Variants in PCDHA4 observed in about 807,000 individuals in gnomAD.
PCDHA4 encodes protocadherin alpha-4.
In PCDHA4, 49 loss-of-function variants were observed where a neutral mutation model predicts 61.4. The observed-to-expected ratio is 0.80, with a 90% confidence interval of 0.63 to 1.01. PCDHA4 has a LOEUF of 1.01. Ranked by LOEUF, PCDHA4 falls within the 50% of genes least tolerant of loss-of-function variation. PCDHA4 has a pLI of 0.00. For synonymous variants in PCDHA4, 590 were observed against 550.3 expected (o/e 1.07, Z -1.01); for missense variants, 1,254 against 1,235.8 (o/e 1.01, Z -0.22).
At chr5:140,880,242 G>A (rs549683370) in intron 1 of PCDHA4, among the ~76,000 whole-genome samples, 22 of 150,572 alleles carry the variant, frequency 1.5e-4, no homozygotes, top group Admixed American at 7.2e-4. Context: ...GTGTATGTGC[G>A]TGTGTGTATG....
At chr5:140,896,657 A>G (rs1554187043) in intron 1 of PCDHA4, among the ~76,000 whole-genome samples, 1 of 152,010 alleles carries the variant, frequency 6.6e-6, no homozygotes, top group East Asian at 1.9e-4. Flanking sequence ...TATTACAGGC[A>G]TGAGTCACTG....
At chr5:140,868,909 T>C (rs2050732260) in intron 1 of PCDHA4, 3 of 886,670 alleles carry the variant, frequency 3.4e-6, no homozygotes, top group Non-Finnish European at 5.0e-6. Context: ...CGCTCTTTAC[T>C]TGGTGGAAAG....
At chr5:140,810,228 T>C (rs1333257173) in intron 1 of PCDHA4, 1 of 152,266 alleles carries the variant, frequency 6.6e-6, no homozygotes, top group African/African-American at 2.4e-5. Flanking sequence ...CTATACCTTA[T>C]TTATTCTACT....
chr5:140,875,949 T>C (rs1306170767), intron 1 of PCDHA4: 2 of 1,614,096 alleles, frequency 1.2e-6, no homozygotes, highest in African/African-American at 2.7e-5. Context: ...GCGCTTCTGA[T>C]GCGGATATCG....
intron 1 of PCDHA4, among the ~76,000 whole-genome samples, chr5:140,895,220 A>C (rs1044682871): frequency 6.6e-6 from 1 of 152,158 alleles, no homozygotes; most frequent in Non-Finnish European, 1.5e-5. Context: ...CTAATATTTT[A>C]CTGAGTTTTC....
intron 1 of PCDHA4, among the ~76,000 whole-genome samples, chr5:140,904,512 C>T (rs1251570223): frequency 5.9e-5 from 9 of 151,738 alleles, no homozygotes; most frequent in Admixed American, 3.3e-4. Flanking sequence ...GTGAATTGTG[C>T]TGCTATAAAC....
chr5:140,993,617 C>A (rs1299213362), intron 3 of PCDHA4, among the ~76,000 whole-genome samples: 3 of 152,034 alleles, frequency 2.0e-5, no homozygotes, highest in Non-Finnish European at 4.4e-5. Context: ...TGTTGGGACC[C>A]TCTATATATA....
At chr5:140,836,287 G>T in intron 1 of PCDHA4, 2 of 1,613,786 alleles carry the variant, frequency 1.2e-6, no homozygotes, top group Non-Finnish European at 8.5e-7. Flanking sequence ...AGCACGACAC[G>T]AGCCCTAGAT....
At chr5:140,981,457 C>T (rs910127197) in intron 2 of PCDHA4, among the ~76,000 whole-genome samples, 6 of 152,064 alleles carry the variant, frequency 3.9e-5, no homozygotes, top group African/African-American at 7.2e-5. Context: ...GCCTGTAGTC[C>T]CAGCTACTTG....
intron 1 of PCDHA4, chr5:140,812,682 T>C (rs1304986293): frequency 6.6e-6 from 1 of 152,230 alleles, no homozygotes; most frequent in Non-Finnish European, 1.5e-5. Context: ...GGCACGATCA[T>C]AGCTCCCTGC....
chr5:140,968,587 C>T (rs1554230892), intron 1 of PCDHA4: 8 of 1,614,196 alleles, frequency 5.0e-6, no homozygotes, highest in Non-Finnish European at 6.8e-6. Context: ...TCACCAAAGT[C>T]ATAGCTATGG....
At position 140,808,672 on chromosome 5, in the gene PCDHA4, A is replaced by T; in HGVS notation, c.1485A>T (p.Val495=). The T allele has an allele frequency of 6.2e-7, 1 of 1,612,834 alleles. No homozygotes were observed. Among genetic ancestry groups the T allele is most frequent in the South Asian group, 1.1e-5 (1 of 91,024 alleles). ...QENALVSYSL[V]ERRVGERALS... is the part of the protein sequence containing the mutation. ...ACGCGCTGGTGTCCTACTCGCTGGT[A>T]GAGCGGCGGGTAGGGGAGCGCGCGC... The change falls in exon 1 of 4, where the codon GTA becomes GTT. Residue 495 remains valine, a synonymous_variant. Coordinates refer to ENST00000530339, the MANE Select transcript of PCDHA4 (RefSeq NM_018907.4).
At chr5:140,869,884 G>T in intron 1 of PCDHA4, 1 of 1,610,394 alleles carries the variant, frequency 6.2e-7, no homozygotes, top group Non-Finnish European at 8.5e-7. Flanking sequence ...AGAAACTCTT[G>T]TGCTCAAACT....
intron 1 of PCDHA4, chr5:140,831,345 A>G (rs1554133179): frequency 1.4e-5 from 2 of 142,358 alleles, no homozygotes; most frequent in African/African-American, 5.3e-5. Flanking sequence ...AGTAATTTAA[A>G]CTATTCACTA....
chr5:140,842,117 G>A, intron 1 of PCDHA4: 4 of 1,613,862 alleles, frequency 2.5e-6, no homozygotes, highest in Non-Finnish European at 3.4e-6. Context: ...CAAACTGAAT[G>A]CTTCTGATCC....
rs1581752525 is a variant in PCDHA4 at position 140,818,154 on chromosome 5, C to G, written c.2385+8582C>G. On this transcript the variant is annotated intron_variant, in intron 1 of 3. Coordinates refer to ENST00000530339, the MANE Select transcript of PCDHA4 (RefSeq NM_018907.4). ...AGCAGTATGCCTTCAAATACGGCTT[C>G]TACTTCATATTTTCTCTTATATTCT... Among the ~76,000 whole-genome samples the G allele has an allele frequency of 2.0e-5, 3 of 152,284 alleles. No individual in the cohort carries two copies. In the South Asian group the frequency reaches 6.2e-4, roughly 32 times the overall value.
chr5:140,846,373 C>CTTTTT (rs374699051), intron 1 of PCDHA4, among the ~76,000 whole-genome samples: 38 of 55,142 alleles, frequency 6.9e-4, no homozygotes, highest in East Asian at 1.7e-3. Context: ...TTCTTTCTTT[C>CTTTTT]TTTTTTTTTT....
intron 1 of PCDHA4, chr5:140,882,896 T>G (rs1554176010): frequency 6.2e-7 from 1 of 1,614,212 alleles, no homozygotes. Flanking sequence ...GGAACATAGT[T>G]TATTACTGAC....
chr5:140,833,536 G>C (rs188132068), intron 1 of PCDHA4, among the ~76,000 whole-genome samples: 1 of 152,138 alleles, frequency 6.6e-6, no homozygotes, highest in African/African-American at 2.4e-5. Flanking sequence ...ACAAGTGTTC[G>C]AAAGGATAGA....
Sources: allele counts gnomAD v4.1 joint callset (sites outside exome capture counted in the v4.1 genomes callset), GRCh38; gene constraint gnomAD v4.1.1; transcripts MANE v1.5; gene names NCBI Gene and HGNC (gene_info 2026-07-23, HGNC 2026-07-21).